ROBO1: variants seen among roughly 807,000 people sequenced by gnomAD.
ROBO1 encodes roundabout guidance receptor 1, also known as roundabout homolog 1.
Under a neutral mutation model 195.9 loss-of-function variants are expected in ROBO1, and 149 were observed. That is an observed-to-expected ratio of 0.76 (90% CI 0.67 to 0.87). The LOEUF (loss-of-function observed/expected upper bound fraction) is 0.87, where lower values mean the gene tolerates loss of function less well. Among genes scored for constraint, ROBO1 ranks in the 40% least tolerant of loss-of-function variants. ROBO1 has a pLI of 0.00. For synonymous variants in ROBO1, 816 were observed against 733.2 expected (o/e 1.11, Z -1.82); for missense variants, 1,933 against 2,068.3 (o/e 0.93, Z 1.27).
chr3:78,798,301 A>T (rs1344719781), intron 4 of ROBO1, among the ~76,000 whole-genome samples: 1 of 152,212 alleles, frequency 6.6e-6, no homozygotes, highest in Non-Finnish European at 1.5e-5. Flanking sequence ...CTAATTAATA[A>T]GCCCTGCATA....
At chr3:79,297,622 T>G (rs1052343419) in intron 2 of ROBO1, among the ~76,000 whole-genome samples, 1 of 152,126 alleles carries the variant, frequency 6.6e-6, no homozygotes, top group East Asian at 1.9e-4. Context: ...TGATTTATGT[T>G]AGCTCCCATG....
At chr3:79,067,379 T>C (rs995140281) in intron 3 of ROBO1, among the ~76,000 whole-genome samples, 1 of 151,986 alleles carries the variant, frequency 6.6e-6, no homozygotes, top group African/African-American at 2.4e-5. Context: ...ATCTTACAAG[T>C]TTAATGATGC....
intron 2 of ROBO1, among the ~76,000 whole-genome samples, chr3:79,282,124 A>G (rs1189053222): frequency 6.6e-6 from 1 of 152,138 alleles, no homozygotes; most frequent in Non-Finnish European, 1.5e-5. Flanking sequence ...ACATGCTACG[A>G]AAAAAATAAT....
chr3:78,884,555 A>G lies in ROBO1; in HGVS notation c.499+54046T>C, dbSNP rs1156678854. Among the ~76,000 whole-genome samples, 3 of 151,386 alleles carry G rather than the reference A, an allele frequency of 2.0e-5. No homozygotes were observed. In the Admixed American group the frequency reaches 2.0e-4, roughly 10 times the overall value. ...TTGCCCCTCAAAAAAGAAAGAAAGA[A>G]AGAGAGAAAGAGAGAAAGAAAGAGA... On this transcript the variant is annotated intron_variant, in intron 4 of 30. Coordinates refer to ENST00000464233, the MANE Select transcript of ROBO1 (RefSeq NM_002941.4).
intron 3 of ROBO1, among the ~76,000 whole-genome samples, chr3:78,978,694 G>T (rs1016592665): frequency 2.2e-4 from 33 of 152,020 alleles, no homozygotes; most frequent in African/African-American, 8.0e-4. Context: ...ATAATATTCT[G>T]CACGATTAAA....
At chr3:79,065,188 A>C (rs2078984257) in intron 3 of ROBO1, among the ~76,000 whole-genome samples, 1 of 152,044 alleles carries the variant, frequency 6.6e-6, no homozygotes, top group South Asian at 2.1e-4. Context: ...AAAAGTGAAT[A>C]ATCATAACAA....
At chr3:79,302,089 G>C (rs2032988141) in intron 2 of ROBO1, among the ~76,000 whole-genome samples, 1 of 152,172 alleles carries the variant, frequency 6.6e-6, no homozygotes, top group African/African-American at 2.4e-5. Context: ...TTTGGCTAAA[G>C]TAAAATGAAG....
intron 2 of ROBO1, among the ~76,000 whole-genome samples, chr3:79,455,620 A>G (rs2039594774): frequency 6.6e-6 from 1 of 152,060 alleles, no homozygotes; most frequent in Non-Finnish European, 1.5e-5. Context: ...TTGATTGTAG[A>G]TACAGGGAAG....
intron 2 of ROBO1, among the ~76,000 whole-genome samples, chr3:79,336,134 A>G (rs954867708): frequency 6.6e-6 from 1 of 152,160 alleles, no homozygotes; most frequent in African/African-American, 2.4e-5. Flanking sequence ...CAGCCTGATG[A>G]TGCAACAGAA....
intron 5 of ROBO1, among the ~76,000 whole-genome samples, chr3:78,733,399 G>GT (rs961824062): frequency 1.5e-4 from 23 of 150,014 alleles, no homozygotes; most frequent in South Asian, 4.2e-4. Context: ...TGTACTATTT[G>GT]TTTTTTTTTA....
chr3:78,878,583 CAAAAAAAAAAAAA>C (rs35108863), intron 4 of ROBO1, among the ~76,000 whole-genome samples: 3 of 46,348 alleles, frequency 6.5e-5, no homozygotes, highest in East Asian at 8.0e-4. Flanking sequence ...AACCCCATCT[CAAAAAAAAAAAAA>C]AAAAAAAAAA....
intron 4 of ROBO1, among the ~76,000 whole-genome samples, chr3:78,826,122 C>A (rs6809397): frequency 0.013 from 2,036 of 152,164 alleles, 47 homozygotes; most frequent in African/African-American, 0.047. Flanking sequence ...TTGTTTGAGC[C>A]AAATTAAATT....
intron 4 of ROBO1, among the ~76,000 whole-genome samples, chr3:78,888,779 C>T (rs1205644603): frequency 6.6e-6 from 1 of 152,100 alleles, no homozygotes; most frequent in African/African-American, 2.4e-5. Context: ...CATGGTGATC[C>T]AACCTCCAAA....
chr3:78,913,436 A>G (rs2038369322), intron 4 of ROBO1, among the ~76,000 whole-genome samples: 1 of 152,130 alleles, frequency 6.6e-6, no homozygotes, highest in African/African-American at 2.4e-5. Context: ...AGCCAATATA[A>G]ATTAATCCAA....
intron 2 of ROBO1, among the ~76,000 whole-genome samples, chr3:79,146,587 T>G (rs1179498465): frequency 6.6e-6 from 1 of 151,942 alleles, no homozygotes; most frequent in Non-Finnish European, 1.5e-5. Context: ...TATCCTGGAC[T>G]TATGTGAAGT....
chr3:79,693,815 A>T (rs73124790), intron 1 of ROBO1, among the ~76,000 whole-genome samples: 1 of 151,866 alleles, frequency 6.6e-6, no homozygotes, highest in Non-Finnish European at 1.5e-5. Context: ...AGGACACCAA[A>T]AATGATACTG....
intron 4 of ROBO1, among the ~76,000 whole-genome samples, chr3:78,936,218 A>G (rs926667698): frequency 6.6e-6 from 1 of 151,994 alleles, no homozygotes; most frequent in African/African-American, 2.4e-5. Flanking sequence ...TTTTTTTTCA[A>G]TGTTTGAGAG....
At chr3:79,638,367 C>G (rs1387149541) in intron 1 of ROBO1, among the ~76,000 whole-genome samples, 1 of 152,074 alleles carries the variant, frequency 6.6e-6, no homozygotes, top group Non-Finnish European at 1.5e-5. Flanking sequence ...TATGTATATT[C>G]TTAATTATGT....
chr3:79,704,628 C>G (rs1257763292), intron 1 of ROBO1, among the ~76,000 whole-genome samples: 1 of 151,902 alleles, frequency 6.6e-6, no homozygotes, highest in African/African-American at 2.4e-5. Flanking sequence ...GCAATTAGAA[C>G]TAAAGATGCT....
Sources: allele counts gnomAD v4.1 joint callset (sites outside exome capture counted in the v4.1 genomes callset), GRCh38; gene constraint gnomAD v4.1.1; transcripts MANE v1.5; gene names NCBI Gene and HGNC (gene_info 2026-07-23, HGNC 2026-07-21).